NAALADL2: variants seen among roughly 807,000 people sequenced by gnomAD.
NAALADL2 encodes inactive N-acetylated-alpha-linked acidic dipeptidase-like protein 2.
In NAALADL2, 76 loss-of-function variants were observed where a neutral mutation model predicts 87.2. The ratio of observed to expected loss-of-function variants is 0.87; its 90% CI spans 0.72 to 1.05. NAALADL2 has a LOEUF of 1.05. Ranked by LOEUF, NAALADL2 falls within the 50% of genes least tolerant of loss-of-function variation. NAALADL2 has a pLI of 0.00. For synonymous variants in NAALADL2, 354 were observed against 331.0 expected (o/e 1.07, Z -0.75); for missense variants, 1,089 against 945.8 (o/e 1.15, Z -1.99).
At chr3:175,567,684 C>T (rs1717399321) in intron 9 of NAALADL2, among the ~76,000 whole-genome samples, 1 of 151,430 alleles carries the variant, frequency 6.6e-6, no homozygotes, top group Non-Finnish European at 1.5e-5. Flanking sequence ...TTTTGAAAAC[C>T]CCATATTATG....
intron 5 of NAALADL2, among the ~76,000 whole-genome samples, chr3:175,339,193 A>G (rs924461206): frequency 1.1e-4 from 17 of 152,236 alleles, no homozygotes; most frequent in African/African-American, 4.1e-4. Context: ...CACATCAAAC[A>G]TTGTCTAGAA....
intron 1 of NAALADL2, among the ~76,000 whole-genome samples, chr3:174,951,408 A>G (rs1278406180): frequency 6.6e-6 from 1 of 152,092 alleles, no homozygotes; most frequent in Non-Finnish European, 1.5e-5. Context: ...GATACGACTC[A>G]ACTAAAATGA....
chr3:174,764,876 C>T (rs1442531985), intron 3 of NAALADL2, among the ~76,000 whole-genome samples: 4 of 151,872 alleles, frequency 2.6e-5, no homozygotes. Context: ...TAGTATAAGT[C>T]CAACTAGAAA....
rs141864966 is a variant in NAALADL2, at chr3:175,215,580, C to T, written c.546-18351C>T. Among the ~76,000 whole-genome samples, 441 of 152,224 alleles carry T rather than the reference C, an allele frequency of 2.9e-3. 13 individuals are homozygous for T. Among genetic ancestry groups the T allele is most frequent in the Admixed American group, 0.027 (416 of 15,268 alleles). On this transcript the variant is annotated intron_variant, in intron 2 of 13. Transcript: ENST00000454872. ...CCTTTCAGACCACTTCTATGACTTC[C>T]TTAATGTCTGTTTGAGGATCCTGGC...
At chr3:174,858,408 G>A (rs988555454), upstream of NAALADL2, among the ~76,000 whole-genome samples, 6 of 152,012 alleles carry the variant, frequency 3.9e-5, no homozygotes, top group East Asian at 9.7e-4. Flanking sequence ...TCTCCAATTT[G>A]TTGCTCTTGT....
chr3:175,030,262 G>A lies in NAALADL2; in HGVS notation c.44-66528G>A, dbSNP rs182801234. ...TAACAATGTGCCTTTAAAGAGAAAGGACTTCAGTTCCATTAAGTTTTCTGT... is the reference window on the plus strand; with the variant it reads ...TAACAATGTGCCTTTAAAGAGAAAGAACTTCAGTTCCATTAAGTTTTCTGT... On this transcript the variant is annotated intron_variant, in intron 1 of 13. Transcript: ENST00000454872. Among the ~76,000 whole-genome samples the A allele has an allele frequency of 7.2e-5, 11 of 152,182 alleles. No homozygotes were observed. The East Asian group carries it at 2.1e-3, about 29-fold the overall frequency.
chr3:175,532,874 G>A (rs1734274395), intron 9 of NAALADL2, among the ~76,000 whole-genome samples: 1 of 152,152 alleles, frequency 6.6e-6, no homozygotes, highest in Admixed American at 6.5e-5. Flanking sequence ...TCACAAATCT[G>A]TTTCACAAGG....
rs1560315886 is a variant in NAALADL2 at position 175,300,791 on chromosome 3, T to TTTA, written c.940-23384_940-23383insTTA. 3.1e-3 allele frequency among the ~76,000 whole-genome samples: 440 copies of TTTA among 142,608 alleles called. 3 individuals are homozygous for TTTA. Among genetic ancestry groups the TTTA allele is most frequent in the African/African-American group, 8.3e-3 (298 of 36,026 alleles). 93.6% of individuals were successfully genotyped at this position (142,608 alleles called of 152,430 possible). On this transcript the variant is annotated intron_variant, in intron 4 of 13. Transcript: ENST00000454872. ...TATTTATTTATTTATTTATTTATTT[T>TTTA]ATTTTATTTTATTTATTTTGAGCTC...
intron 10 of NAALADL2, among the ~76,000 whole-genome samples, chr3:175,597,361 A>C (rs4627758): frequency 0.055 from 8,321 of 152,064 alleles, 743 homozygotes; most frequent in African/African-American, 0.19. Context: ...GTCTAATTCT[A>C]CCTAGAATGA....
At chr3:174,475,974 G>T (rs1717185060) in intron 1 of NAALADL2, among the ~76,000 whole-genome samples, 1 of 151,998 alleles carries the variant, frequency 6.6e-6, no homozygotes, top group South Asian at 2.1e-4. Flanking sequence ...CTAGATTTAT[G>T]AGGGGAAAAC....
Position 175,806,856 on chromosome 3 carries a change from A to G in NAALADL2, c.*3653A>G, listed in dbSNP as rs1754753570. ...TCTTTGTTCTTTACACTGAGTGCCG[A>G]AAAAAAAAATCAGACTATTTTGATT... On this transcript the variant is annotated 3_prime_UTR_variant, in exon 14 of 14. Transcript: ENST00000454872. The G allele has an allele frequency of 6.7e-6, 1 of 148,300 alleles. No homozygotes were observed. The highest frequency in any genetic ancestry group is 1.5e-5 in the Non-Finnish European group (1 of 66,990). 9.2% of individuals were successfully genotyped at this position (148,300 alleles called of 1,614,324 possible). A position where few individuals can be genotyped will look rare whatever the true frequency, so the allele number is the denominator to read the frequency against.
intron 1 of NAALADL2, among the ~76,000 whole-genome samples, chr3:174,860,831 T>C (rs565713065): frequency 6.6e-6 from 1 of 152,110 alleles, no homozygotes; most frequent in South Asian, 2.1e-4. Flanking sequence ...TTCTTTCTTT[T>C]TCTCTGGTGC....
intron 1 of NAALADL2, among the ~76,000 whole-genome samples, chr3:175,056,842 G>A (rs9825180): frequency 1.6e-4 from 24 of 152,162 alleles, no homozygotes; most frequent in Non-Finnish European, 3.2e-4. Flanking sequence ...AAGAAAACCC[G>A]TAAGCAGTTT....
intron 5 of NAALADL2, among the ~76,000 whole-genome samples, chr3:175,358,761 C>T (rs1277275825): frequency 1.3e-5 from 2 of 152,072 alleles, no homozygotes; most frequent in Non-Finnish European, 2.9e-5. Context: ...TTGCTGATTG[C>T]CACCATTCTA....
chr3:175,127,083 A>G (rs1206255225), intron 2 of NAALADL2, among the ~76,000 whole-genome samples: 1 of 152,064 alleles, frequency 6.6e-6, no homozygotes, highest in African/African-American at 2.4e-5. Flanking sequence ...CTCTTGAAGT[A>G]AATCTCAAGA....
At chr3:175,695,272 T>G (rs1035086835) in intron 11 of NAALADL2, among the ~76,000 whole-genome samples, 2 of 152,212 alleles carry the variant, frequency 1.3e-5, no homozygotes, top group Admixed American at 6.5e-5. Context: ...ACATCACAAT[T>G]AAGTTGCTAA....
At chr3:175,407,071 C>T (rs1712544742) in intron 5 of NAALADL2, among the ~76,000 whole-genome samples, 1 of 152,040 alleles carries the variant, frequency 6.6e-6, no homozygotes, top group Non-Finnish European at 1.5e-5. Flanking sequence ...GTAATCCCAA[C>T]TACTTGTGAG....
At chr3:174,879,158 C>T (rs149944977) in intron 1 of NAALADL2, among the ~76,000 whole-genome samples, 21 of 151,950 alleles carry the variant, frequency 1.4e-4, no homozygotes, top group African/African-American at 4.3e-4. Context: ...AAATATCTGT[C>T]GTTATATATT....
At chr3:174,924,027 G>T (rs2108370290) in intron 1 of NAALADL2, among the ~76,000 whole-genome samples, 1 of 152,086 alleles carries the variant, frequency 6.6e-6, no homozygotes, top group African/African-American at 2.4e-5. Context: ...AACACATAAT[G>T]GTATCTTACT....
Sources: allele counts gnomAD v4.1 joint callset (sites outside exome capture counted in the v4.1 genomes callset), GRCh38; gene constraint gnomAD v4.1.1; transcripts MANE v1.5; gene names NCBI Gene and HGNC (gene_info 2026-07-23, HGNC 2026-07-21).